Variants in CNTNAP2 observed in about 807,000 individuals in gnomAD.
CNTNAP2 encodes contactin-associated protein-like 2.
A neutral mutation model predicts 155.2 loss-of-function variants in CNTNAP2; 98 were observed. The ratio of observed to expected loss-of-function variants is 0.63; its 90% CI spans 0.54 to 0.75. The LOEUF is 0.75. Ranked by LOEUF, CNTNAP2 falls within the 30% of genes least tolerant of loss-of-function variation. The probability of loss-of-function intolerance (pLI) is 0.00; values close to 1 mark genes in which losing one functional copy is unlikely to be tolerated. For missense variants in CNTNAP2, 1,727 were observed against 1,688.1 expected, an observed-to-expected ratio of 1.02 and a Z score of -0.40; for synonymous variants, 651 against 631.2, an observed-to-expected ratio of 1.03 and a Z score of -0.47.
intron 15 of CNTNAP2, among the ~76,000 whole-genome samples, chr7:148,049,525 A>T (rs1802844395): frequency 6.6e-6 from 1 of 152,216 alleles, no homozygotes; most frequent in Admixed American, 6.5e-5. Flanking sequence ...ATGTAACGAG[A>T]TAGGCTGTAT....
intron 1 of CNTNAP2, among the ~76,000 whole-genome samples, chr7:146,539,587 A>G (rs1221555184): frequency 6.6e-6 from 1 of 152,080 alleles, no homozygotes; most frequent in Non-Finnish European, 1.5e-5. Context: ...AACAGGACTA[A>G]ATTGTGCATC....
At chr7:146,340,779 T>A (rs1227483863) in intron 1 of CNTNAP2, among the ~76,000 whole-genome samples, 1 of 152,184 alleles carries the variant, frequency 6.6e-6, no homozygotes, top group Non-Finnish European at 1.5e-5. Context: ...CCCTACATCA[T>A]ATTTTATGAG....
chr7:146,655,413 C>CAA (rs66710703), intron 1 of CNTNAP2, among the ~76,000 whole-genome samples: 1,075 of 74,116 alleles, frequency 0.015, 36 homozygotes, highest in African/African-American at 0.049. Flanking sequence ...GACTCTGTCT[C>CAA]AAAAAAAAAA....
intron 8 of CNTNAP2, among the ~76,000 whole-genome samples, chr7:147,176,608 T>C (rs1802343062): frequency 6.9e-6 from 1 of 145,236 alleles, no homozygotes; most frequent in South Asian, 2.1e-4. Context: ...TATACATATG[T>C]ATAATATACT....
intron 1 of CNTNAP2, among the ~76,000 whole-genome samples, chr7:146,276,440 A>T (rs1220265510): frequency 6.6e-6 from 1 of 152,216 alleles, no homozygotes; most frequent in Non-Finnish European, 1.5e-5. Context: ...GGTACTAACA[A>T]ATGTTTATTG....
At chr7:146,394,551 C>T (rs1211832372) in intron 1 of CNTNAP2, among the ~76,000 whole-genome samples, 1 of 152,034 alleles carries the variant, frequency 6.6e-6, no homozygotes, top group Admixed American at 6.6e-5. Flanking sequence ...CCTGTATACA[C>T]TTTCATGACA....
intron 1 of CNTNAP2, among the ~76,000 whole-genome samples, chr7:146,742,245 C>T (rs1801731098): frequency 2.6e-5 from 4 of 151,994 alleles, no homozygotes; most frequent in Admixed American, 6.6e-5. Flanking sequence ...AAAGTATCAG[C>T]TGGATATAAT....
chr7:146,781,582 C>G (rs567524094), intron 2 of CNTNAP2, among the ~76,000 whole-genome samples: 1 of 152,112 alleles, frequency 6.6e-6, no homozygotes, highest in African/African-American at 2.4e-5. Context: ...ATACACATGT[C>G]CCCCTCCGGA....
At chr7:147,387,546 A>C (rs902600483) in intron 9 of CNTNAP2, among the ~76,000 whole-genome samples, 2 of 152,190 alleles carry the variant, frequency 1.3e-5, no homozygotes, top group African/African-American at 4.8e-5. Context: ...TCTCCAATGT[A>C]AAGTGACTGC....
chr7:148,164,951 ACT>A (rs1268775405), intron 17 of CNTNAP2, among the ~76,000 whole-genome samples: 1 of 151,688 alleles, frequency 6.6e-6, no homozygotes, highest in Admixed American at 6.6e-5. Context: ...CCTGGCTCTA[ACT>A]CTGTACTTTC....
At chr7:147,432,082 A>G (rs1398150148) in intron 10 of CNTNAP2, among the ~76,000 whole-genome samples, 2 of 152,158 alleles carry the variant, frequency 1.3e-5, no homozygotes, top group Non-Finnish European at 2.9e-5. Context: ...ACAAATATCT[A>G]TCTTGTGCAT....
At chr7:146,144,988 G>A (rs1797936768) in intron 1 of CNTNAP2, among the ~76,000 whole-genome samples, 1 of 152,158 alleles carries the variant, frequency 6.6e-6, no homozygotes, top group Admixed American at 6.5e-5. Flanking sequence ...CTCATGGTGG[G>A]AGAGATGTAA....
intron 13 of CNTNAP2, among the ~76,000 whole-genome samples, chr7:147,744,420 A>C (rs1018514446): frequency 2.6e-5 from 4 of 152,220 alleles, no homozygotes; most frequent in African/African-American, 9.6e-5. Context: ...AAATAGTACC[A>C]TTATTCAACT....
intron 1 of CNTNAP2, among the ~76,000 whole-genome samples, chr7:146,738,611 C>T (rs10256082): frequency 0.064 from 9,676 of 151,602 alleles, 998 homozygotes; most frequent in African/African-American, 0.22. Context: ...AAAATGCTTT[C>T]TTCTATGTAT....
intron 9 of CNTNAP2, among the ~76,000 whole-genome samples, chr7:147,343,560 T>C (rs1377273362): frequency 6.6e-6 from 1 of 152,186 alleles, no homozygotes; most frequent in Non-Finnish European, 1.5e-5. Context: ...AGCATTCATT[T>C]TGTTGCTCTG....
chr7:147,456,456 T>C (rs956666122), intron 10 of CNTNAP2, among the ~76,000 whole-genome samples: 8 of 152,212 alleles, frequency 5.3e-5, no homozygotes, highest in Admixed American at 4.6e-4. Flanking sequence ...GTTTTGAAGA[T>C]ATTATGAAGG....
chr7:147,557,904 G>A (rs562501782), intron 11 of CNTNAP2, among the ~76,000 whole-genome samples: 8 of 152,182 alleles, frequency 5.3e-5, no homozygotes, highest in South Asian at 4.1e-4. Flanking sequence ...AAAAAACCAC[G>A]TTAGGGAGAG....
chr7:147,791,338 C>T (rs149013122), intron 13 of CNTNAP2, among the ~76,000 whole-genome samples: 110 of 152,040 alleles, frequency 7.2e-4, no homozygotes, highest in African/African-American at 2.0e-3. Context: ...TCTAGACCTT[C>T]TTTGGGCTCC....
chr7:146,160,980 A>G (rs1162305920), intron 1 of CNTNAP2, among the ~76,000 whole-genome samples: 1 of 152,262 alleles, frequency 6.6e-6, no homozygotes, highest in Non-Finnish European at 1.5e-5. Flanking sequence ...CGAATCCAGC[A>G]GCACATCAAA....
Sources: gnomAD v4.1 joint callset for allele counts (sites outside exome capture counted in the v4.1 genomes callset) on GRCh38, gnomAD v4.1.1 for gene constraint, MANE v1.5 for transcripts, NCBI Gene and HGNC (gene_info 2026-07-23, HGNC 2026-07-21) for gene names.